SYCE1: variants seen among roughly 807,000 people sequenced by gnomAD.
The protein encoded by SYCE1 is cancer/testis antigen 76.
In SYCE1, 37 loss-of-function variants were observed where a neutral mutation model predicts 55.1. That is an observed-to-expected ratio of 0.67 (90% CI 0.52 to 0.88). The LOEUF is 0.88. Among genes scored for constraint, SYCE1 ranks in the 40% least tolerant of loss-of-function variants. SYCE1 has a pLI of 0.00. For synonymous variants in SYCE1, 163 were observed against 159.4 expected (o/e 1.02, Z -0.17); for missense variants, 399 against 416.4 (o/e 0.96, Z 0.36).
rs1296024712 is a variant in SYCE1, at chr10:133,555,132, G to A, written c.919-3C>T. On this transcript the variant is annotated splice_region_variant and splice_polypyrimidine_tract_variant and intron_variant, in intron 12 of 12. Transcript: ENST00000343131. ...CCTTTTAGGGGCTTGGGACTGGCCT[G>A]CAGGAGGTTAGTGTCCAGGGTGGGA... The A allele has an allele frequency of 8.4e-6, 13 of 1,545,860 alleles. No individual in the cohort carries two copies. The highest frequency in any genetic ancestry group is 5.2e-6 in the Non-Finnish European group (6 of 1,145,066).
intron 6 of SYCE1, chr10:133,557,610 G>A (rs1199715929): frequency 1.7e-6 from 1 of 572,938 alleles, no homozygotes; most frequent in Admixed American, 3.0e-5. Flanking sequence ...ATGACAAAGA[G>A]TAAAAGGCAA....
chr10:133,561,382 C>G (rs577799629), intron 1 of SYCE1, among the ~76,000 whole-genome samples: 2 of 152,264 alleles, frequency 1.3e-5, no homozygotes, highest in East Asian at 3.9e-4. Context: ...CTGGAAGTCC[C>G]CCATCCAGGG....
chr10:133,567,138 G>A (rs926411158), upstream of SYCE1, among the ~76,000 whole-genome samples: 11 of 151,554 alleles, frequency 7.3e-5, no homozygotes, highest in African/African-American at 2.7e-4. Flanking sequence ...GTTGAGGTTA[G>A]GGTTAGGGGT....
At chr10:133,565,633 G>T, upstream of SYCE1, 2 of 1,097,922 alleles carry the variant, frequency 1.8e-6, no homozygotes, top group Non-Finnish European at 2.6e-6. Context: ...CCTGCGCAAT[G>T]CACTCCTGCG....
intron 8 of SYCE1, chr10:133,556,538 G>A (rs1441633442): frequency 1.3e-5 from 8 of 602,938 alleles, no homozygotes; most frequent in Non-Finnish European, 2.4e-5. Context: ...CACGGACAGT[G>A]ATGGAAGACT....
At chr10:133,566,818 G>T (rs577963851), upstream of SYCE1, among the ~76,000 whole-genome samples, 2 of 145,732 alleles carry the variant, frequency 1.4e-5, no homozygotes, top group African/African-American at 5.2e-5. Flanking sequence ...AGGAGTTACA[G>T]TTGGGTTAAG....
intron 4 of SYCE1, 141 bp from the exon 5 acceptor site, chr10:133,558,355 C>A: frequency 1.2e-6 from 1 of 854,868 alleles, no homozygotes; most frequent in Non-Finnish European, 1.9e-6. Flanking sequence ...CCCCTCCCTA[C>A]CCTCTGGTGC....
At chr10:133,565,712 G>T (rs1851917685), upstream of SYCE1, 1 of 584,610 alleles carries the variant, frequency 1.7e-6, no homozygotes, top group Admixed American at 3.8e-5. Flanking sequence ...GTAAAGGCGC[G>T]AGGGCTACAA....
Position 133,555,124 on chromosome 10 carries a change from A to G in SYCE1, c.924T>C (p.Ser308=), listed in dbSNP as rs1341445079. 4 of 1,547,728 alleles carry G rather than the reference A, an allele frequency of 2.6e-6. No individual in the cohort carries two copies. The highest frequency in any genetic ancestry group is 3.5e-6 in the Non-Finnish European group (4 of 1,145,808). Residue 308 remains serine (S), a synonymous_variant, in exon 13 of 13, where the codon AGT becomes AGC. Transcript: ENST00000343131. ...GTCTTTCTCCTTTTAGGGGCTTGGG[A>G]CTGGCCTGCAGGAGGTTAGTGTCCA... ...EEEAGPGDVA[S]PKPLKGERPG...
chr10:133,564,458 C>T (rs11101841), intron 1 of SYCE1: 105,452 of 979,640 alleles, frequency 0.11, 6,149 homozygotes, highest in East Asian at 0.25. Context: ...GCTAGCACAC[C>T]GGCGGGCCAG....
chr10:133,566,781 T>C (rs1851948788), upstream of SYCE1, among the ~76,000 whole-genome samples: 1 of 148,772 alleles, frequency 6.7e-6, no homozygotes, highest in Non-Finnish European at 1.5e-5. Context: ...GGGTAAGGGG[T>C]TAGAGTTAAG....
chr10:133,559,439 C>T lies in SYCE1; in HGVS notation c.137-79G>A, dbSNP rs1026909944. ...GCCAGCCTTGTGTCTCTGCTGCTTT[C>T]ACGCAACACAGATCTATTGAGTACC... is the stretch of plus-strand genomic sequence containing the variant. On this transcript the variant is annotated intron_variant, in intron 2 of 12. Transcript: ENST00000343131. 1.2e-5 allele frequency: 17 copies of T among 1,383,614 alleles called. No individual in the cohort carries two copies. In the African/African-American group the frequency reaches 2.3e-4, roughly 18 times the overall value. The allele number at this position is 1,383,614 out of a possible 1,614,324, so 85.7% of individuals were successfully genotyped here.
rs766524910 is a variant in SYCE1 at position 133,555,000 on chromosome 10, G to T, written c.1048C>A (p.Leu350Ile). The T allele has an allele frequency of 6.6e-7, 1 of 1,521,534 alleles. No individual in the cohort carries two copies. Among genetic ancestry groups the T allele is most frequent in the South Asian group, 1.2e-5 (1 of 80,322 alleles). The allele number at this position is 1,521,534 out of a possible 1,614,324, so 94.3% of individuals were successfully genotyped here. Residue 350 changes from leucine (L) to isoleucine (I), a missense_variant, in exon 13 of 13, where the codon CTA (leucine) becomes ATA (isoleucine). Transcript: ENST00000343131. ...CAGTAGACTTAGCTGTATCAAAATA[G>T]CTCCTTTATTTCCTGAAAGCCCCTT... ...SPRGFQEIKELF is the reference protein window; with the variant it reads ...SPRGFQEIKEIF
rs547885653 is a variant in SYCE1, at chr10:133,563,866, G to C, written c.73+1591C>G. On this transcript the variant is annotated intron_variant, in intron 1 of 12. Transcript: ENST00000343131. The stretch of plus-strand genomic sequence containing the variant: ...TGTGAAAAAGTATGAAGAAAAAATT[G>C]AAACACCAACATTCCCTTTCCCCAG... 2.3e-3 allele frequency among the ~76,000 whole-genome samples: 350 copies of C among 152,222 alleles called. 4 individuals carry two copies. The highest frequency in any genetic ancestry group is 7.8e-3 in the African/African-American group (326 of 41,538).
At chr10:133,558,620 A>T (rs1195914423) in intron 4 of SYCE1, 1 of 543,630 alleles carries the variant, frequency 1.8e-6, no homozygotes, top group East Asian at 3.2e-5. Context: ...AGAGCTGATG[A>T]TGTGAGGAAA....
At chr10:133,556,910 T>C in intron 7 of SYCE1, 88 bp from the exon 8 acceptor site, 2 of 1,556,556 alleles carry the variant, frequency 1.3e-6, no homozygotes, top group Non-Finnish European at 1.8e-6. Flanking sequence ...CAGGCAGATT[T>C]TGGGGTGCTT....
At chr10:133,559,467 C>T (rs1286365464) in intron 2 of SYCE1, 107 bp from the exon 3 acceptor site, 10 of 1,149,364 alleles carry the variant, frequency 8.7e-6, no homozygotes, top group Middle Eastern at 2.1e-4. Context: ...TGAGTACCTC[C>T]TGCAAGCAGG....
chr10:133,556,927 T>C, intron 7 of SYCE1, 105 bp from the exon 8 acceptor site: 1 of 1,509,478 alleles, frequency 6.6e-7, no homozygotes, highest in Admixed American at 1.7e-5. Flanking sequence ...GCTTTGCCCA[T>C]GGTCTCTGCT....
At chr10:133,562,529 C>T (rs1294296119) in intron 1 of SYCE1, among the ~76,000 whole-genome samples, 4 of 152,150 alleles carry the variant, frequency 2.6e-5, no homozygotes, top group African/African-American at 9.7e-5. Flanking sequence ...AGGCACCAGA[C>T]TCCCTTTTGT....
Sources: gnomAD v4.1 joint callset for allele counts (sites outside exome capture counted in the v4.1 genomes callset) on GRCh38, gnomAD v4.1.1 for gene constraint, MANE v1.5 for transcripts, NCBI Gene and HGNC (gene_info 2026-07-23, HGNC 2026-07-21) for gene names.